The following MSI2 variants were observed in gnomAD, a reference collection of about 807,000 sequenced individuals.
The protein encoded by MSI2 is RNA-binding protein Musashi homolog 2.
In MSI2, 17 loss-of-function variants were observed where a neutral mutation model predicts 45.6. The ratio of observed to expected loss-of-function variants is 0.37; its 90% CI spans 0.26 to 0.56. The LOEUF (loss-of-function observed/expected upper bound fraction) is 0.56, where lower values mean the gene tolerates loss of function less well. Among genes scored for constraint, MSI2 ranks in the 20% least tolerant of loss-of-function variants. The probability of loss-of-function intolerance (pLI) is 0.77; values close to 1 mark genes in which losing one functional copy is unlikely to be tolerated. For synonymous variants in MSI2, 156 were observed against 158.2 expected (o/e 0.99, Z 0.11); for missense variants, 293 against 444.2 (o/e 0.66, Z 3.06).
chr17:57,537,956 T>C (rs1376276161), intron 7 of MSI2, among the ~76,000 whole-genome samples: 1 of 152,200 alleles, frequency 6.6e-6, no homozygotes, highest in Non-Finnish European at 1.5e-5. Flanking sequence ...TAATAGGTCT[T>C]CCTGCCTCCC....
chr17:57,362,900 C>T (rs115643234), intron 5 of MSI2, among the ~76,000 whole-genome samples: 2,746 of 152,232 alleles, frequency 0.018, 72 homozygotes, highest in African/African-American at 0.062. Flanking sequence ...GGAACCCTTA[C>T]GTGTTGCTGA....
rs369219376 is a variant in MSI2 at position 57,486,297 on chromosome 17, C to A, written c.406-43379C>A. On this transcript the variant is annotated intron_variant, in intron 6 of 13. Transcript: ENST00000284073. ...GAATTTACAAGGGGCTCTCTCCTAG[C>A]CTTGTGGAATTAGAGCAGAGATATT... 1.1e-4 allele frequency among the ~76,000 whole-genome samples: 17 copies of A among 152,318 alleles called. No homozygotes were observed. In the East Asian group the frequency reaches 2.7e-3, roughly 24 times the overall value.
intron 12 of MSI2, 38 bp from the exon 13 acceptor site, chr17:57,676,949 A>G (rs1313230072): frequency 3.1e-6 from 4 of 1,288,958 alleles, no homozygotes; most frequent in East Asian, 2.3e-5. Context: ...GTTCCCATGT[A>G]TAGCACACTG....
intron 6 of MSI2, among the ~76,000 whole-genome samples, chr17:57,435,114 G>T (rs986934084): frequency 2.0e-5 from 3 of 152,032 alleles, no homozygotes; most frequent in African/African-American, 7.2e-5. Context: ...TATTATTTTT[G>T]TTTTTTGTTG....
At chr17:57,594,065 G>A (rs1283566131) in intron 7 of MSI2, among the ~76,000 whole-genome samples, 77 of 152,220 alleles carry the variant, frequency 5.1e-4, no homozygotes, top group Non-Finnish European at 2.9e-5. Flanking sequence ...CTCAGACCCT[G>A]GAGGAGCAGA....
intron 5 of MSI2, among the ~76,000 whole-genome samples, chr17:57,374,093 AAAAAAC>A (rs2083458833): frequency 6.6e-6 from 1 of 152,214 alleles, no homozygotes; most frequent in Non-Finnish European, 1.5e-5. Context: ...GCAGAGAAGC[AAAAAAC>A]AAAAACAAAA....
At chr17:57,370,179 G>A (rs2083399354) in intron 5 of MSI2, among the ~76,000 whole-genome samples, 1 of 152,212 alleles carries the variant, frequency 6.6e-6, no homozygotes, top group South Asian at 2.1e-4. Context: ...GTTAGTGGAA[G>A]GGGAATCTGT....
intron 5 of MSI2, among the ~76,000 whole-genome samples, chr17:57,379,290 C>T (rs2083556433): frequency 6.6e-6 from 1 of 152,028 alleles, no homozygotes; most frequent in African/African-American, 2.4e-5. Flanking sequence ...TTCCCCAAAC[C>T]CTTCTCTGAG....
intron 6 of MSI2, among the ~76,000 whole-genome samples, chr17:57,526,548 T>C (rs1438735184): frequency 2.0e-5 from 3 of 152,036 alleles, no homozygotes; most frequent in Admixed American, 6.6e-5. Flanking sequence ...TTGATTCACA[T>C]AGAACCGTGA....
chr17:57,420,602 A>G (rs1002971224), intron 6 of MSI2, among the ~76,000 whole-genome samples: 3 of 152,074 alleles, frequency 2.0e-5, no homozygotes, highest in African/African-American at 7.2e-5. Flanking sequence ...AAACTTCTCC[A>G]TCTTTCCACC....
chr17:57,616,281 A>ATGCATGTG (rs371283117), intron 9 of MSI2, 197 bp downstream of exon 9: 2 of 479,732 alleles, frequency 4.2e-6, no homozygotes, highest in African/African-American at 2.0e-5. Flanking sequence ...GTGTGCATGC[A>ATGCATGTG]TGTGTGTGTG....
chr17:57,578,666 C>T (rs575711641), intron 7 of MSI2, among the ~76,000 whole-genome samples: 2 of 152,182 alleles, frequency 1.3e-5, no homozygotes, highest in South Asian at 4.2e-4. Context: ...CTAATGAGAG[C>T]TTTGGGGCAG....
At chr17:57,676,718 G>A (rs1015751049) in intron 12 of MSI2, among the ~76,000 whole-genome samples, 13 of 152,258 alleles carry the variant, frequency 8.5e-5, no homozygotes, top group Middle Eastern at 3.4e-3. Flanking sequence ...ACAAACCCCC[G>A]TTTCCCACCA....
At chr17:57,482,950 C>T (rs944545275) in intron 6 of MSI2, among the ~76,000 whole-genome samples, 3 of 152,230 alleles carry the variant, frequency 2.0e-5, no homozygotes, top group South Asian at 2.1e-4. Context: ...TCTGAGAGTC[C>T]GGCTGTGTGT....
intron 6 of MSI2, among the ~76,000 whole-genome samples, chr17:57,484,529 C>T (rs1028771433): frequency 6.6e-6 from 1 of 152,232 alleles, no homozygotes; most frequent in African/African-American, 2.4e-5. Context: ...CTTCTTTGTA[C>T]ACTTCTCTAC....
intron 12 of MSI2, among the ~76,000 whole-genome samples, chr17:57,676,688 A>C (rs1222673720): frequency 6.6e-6 from 1 of 152,224 alleles, no homozygotes; most frequent in Non-Finnish European, 1.5e-5. Flanking sequence ...GTTCAGGGCA[A>C]CATGCCCATC....
At chr17:57,555,971 G>C (rs2087427065) in intron 7 of MSI2, among the ~76,000 whole-genome samples, 1 of 152,198 alleles carries the variant, frequency 6.6e-6, no homozygotes, top group Non-Finnish European at 1.5e-5. Context: ...ATGATGCCTG[G>C]AGACCATGCC....
At chr17:57,592,387 T>C (rs1221512285) in intron 7 of MSI2, among the ~76,000 whole-genome samples, 2 of 152,202 alleles carry the variant, frequency 1.3e-5, no homozygotes, top group African/African-American at 2.4e-5. Flanking sequence ...TCATTGTAAA[T>C]GCTAATGCAT....
intron 11 of MSI2, among the ~76,000 whole-genome samples, chr17:57,662,067 A>G (rs950006074): frequency 3.3e-5 from 5 of 152,216 alleles, no homozygotes; most frequent in African/African-American, 9.7e-5. Flanking sequence ...CTTCATATGG[A>G]TAAGTAATTA....
Sources: gnomAD v4.1 joint callset for allele counts (sites outside exome capture counted in the v4.1 genomes callset) on GRCh38, gnomAD v4.1.1 for gene constraint, MANE v1.5 for transcripts, NCBI Gene and HGNC (gene_info 2026-07-23, HGNC 2026-07-21) for gene names.